DGKI: variants seen among roughly 807,000 people sequenced by gnomAD.
DGKI encodes the protein diacylglycerol kinase iota.
In DGKI, 55 loss-of-function variants were observed where a neutral mutation model predicts 147.5. The ratio of observed to expected loss-of-function variants is 0.37; its 90% CI spans 0.30 to 0.47. DGKI has a LOEUF of 0.47. Ranked by LOEUF, DGKI falls within the 20% of genes least tolerant of loss-of-function variation. The pLI, the probability that DGKI is intolerant of heterozygous loss-of-function variation, is 1.00. For synonymous variants in DGKI, 469 were observed against 477.1 expected (o/e 0.98, Z 0.22); for missense variants, 1,007 against 1,323.8 (o/e 0.76, Z 3.71).
At chr7:137,687,460 G>A (rs1823458404) in intron 2 of DGKI, among the ~76,000 whole-genome samples, 1 of 152,170 alleles carries the variant, frequency 6.6e-6, no homozygotes, top group African/African-American at 2.4e-5. Context: ...GCACAGAGAG[G>A]TGACTGTTTT....
intron 21 of DGKI, among the ~76,000 whole-genome samples, chr7:137,510,326 T>C (rs2128947378): frequency 6.6e-6 from 1 of 152,388 alleles, no homozygotes; most frequent in South Asian, 2.1e-4. Flanking sequence ...GTATATAATC[T>C]TTTGGCAATT....
chr7:137,561,440 GA>G (rs1182020072), intron 19 of DGKI, among the ~76,000 whole-genome samples: 1 of 151,854 alleles, frequency 6.6e-6, no homozygotes, highest in Non-Finnish European at 1.5e-5. Context: ...GGAGGGACAG[GA>G]AAAAACTTGT....
At chr7:137,591,618 G>T (rs1819621697) in intron 12 of DGKI, among the ~76,000 whole-genome samples, 1 of 152,114 alleles carries the variant, frequency 6.6e-6, no homozygotes, top group Non-Finnish European at 1.5e-5. Flanking sequence ...GTGAGTTTAG[G>T]CAAGTCATTT....
chr7:137,745,319 C>T (rs1212129625), intron 1 of DGKI, among the ~76,000 whole-genome samples: 1 of 152,180 alleles, frequency 6.6e-6, no homozygotes, highest in Non-Finnish European at 1.5e-5. Flanking sequence ...AAAGAAATCA[C>T]CCAGTATAAA....
At chr7:137,477,978 C>A (rs1188129037) in intron 23 of DGKI, among the ~76,000 whole-genome samples, 1 of 152,116 alleles carries the variant, frequency 6.6e-6, no homozygotes, top group Non-Finnish European at 1.5e-5. Context: ...TATTTTTAAA[C>A]AACAATCCCC....
At chr7:137,650,779 C>T (rs2129010459) in intron 5 of DGKI, among the ~76,000 whole-genome samples, 1 of 152,276 alleles carries the variant, frequency 6.6e-6, no homozygotes, top group East Asian at 1.9e-4. Flanking sequence ...ATAAGCCACC[C>T]AGTCCATGGT....
At chr7:137,653,128 T>TTGTG (rs372984668) in intron 5 of DGKI, among the ~76,000 whole-genome samples, 148 of 151,822 alleles carry the variant, frequency 9.7e-4, no homozygotes, top group African/African-American at 3.2e-3. Context: ...GTATGTGTGT[T>TTGTG]TGTGTGTGTG....
At chr7:137,489,787 A>G (rs1303949025) in intron 21 of DGKI, among the ~76,000 whole-genome samples, 1 of 152,276 alleles carries the variant, frequency 6.6e-6, no homozygotes, top group East Asian at 1.9e-4. Flanking sequence ...ATGTTTATCC[A>G]TTTACTTAAG....
chr7:137,693,062 T>G (rs1051021729), intron 1 of DGKI, among the ~76,000 whole-genome samples: 8 of 152,236 alleles, frequency 5.3e-5, no homozygotes, highest in African/African-American at 1.7e-4. Flanking sequence ...ATACACATTT[T>G]CTTCCAAAAT....
rs549711329 is a variant in DGKI at position 137,554,385 on chromosome 7, T to C, written c.1948-1817A>G. ...GAATCATTTACTATTAGTAATACTT[T>C]GATTTATTCGTGACAGTCGCTGTCT... is the stretch of plus-strand genomic sequence containing the variant. On this transcript the variant is annotated intron_variant, in intron 19 of 32. Transcript: ENST00000614521. Among the ~76,000 whole-genome samples the C allele has an allele frequency of 3.7e-3, 563 of 152,294 alleles. 1 individual carries two copies. The Middle Eastern group carries it at 0.051, about 14-fold the overall frequency.
intron 23 of DGKI, among the ~76,000 whole-genome samples, chr7:137,476,088 A>G (rs1172861262): frequency 6.6e-6 from 1 of 152,154 alleles, no homozygotes; most frequent in African/African-American, 2.4e-5. Context: ...AAGTGCCAGC[A>G]GATACAATCC....
At chr7:137,632,933 C>G (rs1225160919) in intron 6 of DGKI, among the ~76,000 whole-genome samples, 1 of 151,564 alleles carries the variant, frequency 6.6e-6, no homozygotes, top group Non-Finnish European at 1.5e-5. Flanking sequence ...AGGAGTCTAA[C>G]CAGGGGCAGT....
intron 1 of DGKI, among the ~76,000 whole-genome samples, chr7:137,837,552 AC>A (rs1798421418): frequency 6.6e-6 from 1 of 152,192 alleles, no homozygotes. Context: ...AGGTGGGGCC[AC>A]TGGGGGTGAT....
intron 3 of DGKI, among the ~76,000 whole-genome samples, chr7:137,669,544 C>G (rs916185677): frequency 6.6e-6 from 1 of 152,172 alleles, no homozygotes; most frequent in African/African-American, 2.4e-5. Context: ...CAGGACCATA[C>G]AATATCCAAT....
At chr7:137,825,679 C>T (rs537815615) in intron 1 of DGKI, among the ~76,000 whole-genome samples, 4 of 151,416 alleles carry the variant, frequency 2.6e-5, no homozygotes, top group Non-Finnish European at 5.9e-5. Context: ...CACTCACACA[C>T]ACACATACAC....
intron 7 of DGKI, among the ~76,000 whole-genome samples, chr7:137,623,077 G>A (rs569403213): frequency 6.6e-6 from 1 of 152,296 alleles, no homozygotes; most frequent in South Asian, 2.1e-4. Context: ...CACCTGTGTT[G>A]GAGGGACCTC....
At chr7:137,830,987 T>C (rs986893495) in intron 1 of DGKI, among the ~76,000 whole-genome samples, 3 of 152,206 alleles carry the variant, frequency 2.0e-5, no homozygotes, top group African/African-American at 7.2e-5. Flanking sequence ...AGAGTTGTTG[T>C]GAGAATTAAA....
chr7:137,661,644 A>G (rs1269073994), intron 3 of DGKI, among the ~76,000 whole-genome samples: 1 of 151,968 alleles, frequency 6.6e-6, no homozygotes, highest in African/African-American at 2.4e-5. Context: ...AAACCGAGGG[A>G]AGGCTGAAAA....
At chr7:137,712,505 G>A (rs1421715136) in intron 1 of DGKI, among the ~76,000 whole-genome samples, 2 of 152,122 alleles carry the variant, frequency 1.3e-5, no homozygotes, top group South Asian at 2.1e-4. Context: ...ATAAAATTAG[G>A]AATAGAAAGA....
Sources: allele counts gnomAD v4.1 joint callset (sites outside exome capture counted in the v4.1 genomes callset), GRCh38; gene constraint gnomAD v4.1.1; transcripts MANE v1.5; gene names NCBI Gene and HGNC (gene_info 2026-07-23, HGNC 2026-07-21).